DAB1: variants seen among roughly 807,000 people sequenced by gnomAD.
DAB1 encodes the protein DAB adaptor protein 1, also known as disabled homolog 1.
DAB1 carries 15 observed loss-of-function variants against 64.6 expected under a neutral mutation model. That is an observed-to-expected ratio of 0.23 (90% CI 0.16 to 0.36). The LOEUF (loss-of-function observed/expected upper bound fraction) is 0.36. DAB1 is among the 10% of genes least tolerant of loss of function. The pLI is 1.00. For synonymous variants in DAB1, 235 were observed against 251.9 expected (o/e 0.93, Z 0.64); for missense variants, 596 against 706.7 (o/e 0.84, Z 1.78).
At chr1:57,049,592 G>A (rs942806117) in intron 9 of DAB1, among the ~76,000 whole-genome samples, 5 of 151,392 alleles carry the variant, frequency 3.3e-5, no homozygotes, top group Non-Finnish European at 7.4e-5. Context: ...TCACCTCAGA[G>A]CTAGCTCCAG....
chr1:58,156,290 A>G lies in DAB1; in HGVS notation n.310-5702T>C, dbSNP rs1017351029. On this transcript the variant is annotated intron_variant and non_coding_transcript_variant, in intron 4 of 20. Coordinates refer to the DAB1 transcript ENST00000485760. ...GCAGTGCCTTAAGTGGAGAAGTGAA[A>G]CCAGATGCCTCAGAGGTAGCAAAAA... Among the ~76,000 whole-genome samples, 5 of 152,176 alleles carry G rather than the reference A, an allele frequency of 3.3e-5. No individual in the cohort carries two copies. In the East Asian group the frequency reaches 7.7e-4, roughly 23 times the overall value.
Position 57,386,386 on chromosome 1 carries a change from A to AAAAAAAAG in DAB1, c.-137+37543_-137+37544insCTTTTTTT, listed in dbSNP as rs548332875. 9.1e-4 allele frequency among the ~76,000 whole-genome samples: 132 copies of AAAAAAAAG among 144,272 alleles called. 2 individuals are homozygous for AAAAAAAAG. The highest frequency in any genetic ancestry group is 2.4e-3 in the African/African-American group (89 of 37,866). 94.6% of individuals were successfully genotyped at this position (144,272 alleles called of 152,430 possible). The stretch of plus-strand genomic sequence containing the variant: ...CTTGGGAAAAAAAAAAAAAAAAAAA[A>AAAAAAAAG]ACCCGTCTTTTTCATCTCCATAAAC... On this transcript the variant is annotated intron_variant, in intron 1 of 14. Transcript: ENST00000371236.
chr1:58,368,949 A>T (rs1644240041), intron 3 of DAB1, among the ~76,000 whole-genome samples: 6 of 152,154 alleles, frequency 3.9e-5, no homozygotes, highest in Admixed American at 3.9e-4. Context: ...TAAGCCCAGG[A>T]GGTCAAGGCT....
chr1:58,226,289 ATCCT>A (rs1253408942), intron 4 of DAB1, among the ~76,000 whole-genome samples: 2 of 152,132 alleles, frequency 1.3e-5, no homozygotes, highest in Non-Finnish European at 2.9e-5. Context: ...GATATGTAAT[ATCCT>A]TTGTAGCACA....
intron 6 of DAB1, among the ~76,000 whole-genome samples, chr1:57,767,803 C>G (rs1369119347): frequency 6.6e-6 from 1 of 152,058 alleles, no homozygotes; most frequent in Non-Finnish European, 1.5e-5. Flanking sequence ...AATCAATACC[C>G]TATGCTTTAG....
intron 1 of DAB1, chr1:57,866,893 A>G (rs1359203606): frequency 6.6e-6 from 1 of 152,120 alleles, no homozygotes; most frequent in African/African-American, 2.4e-5. Context: ...GGTAGCTGAG[A>G]GCAGGTGAAA....
At chr1:57,462,792 T>C (rs935364067) in intron 7 of DAB1, among the ~76,000 whole-genome samples, 3 of 152,144 alleles carry the variant, frequency 2.0e-5, no homozygotes, top group African/African-American at 4.8e-5. Flanking sequence ...ATCTAGCATG[T>C]AAATAAGAAG....
chr1:58,254,386 T>TC (rs59346791), intron 4 of DAB1, among the ~76,000 whole-genome samples: 1 of 106,952 alleles, frequency 9.3e-6, no homozygotes, highest in African/African-American at 4.5e-5. Flanking sequence ...TTTATTTATT[T>TC]TTTTTTCTAT....
intron 7 of DAB1, among the ~76,000 whole-genome samples, chr1:57,525,794 T>C (rs2101397870): frequency 6.6e-6 from 1 of 151,924 alleles, no homozygotes; most frequent in East Asian, 1.9e-4. Flanking sequence ...GTTAAGAGAG[T>C]AAAAATTTGT....
intron 14 of DAB1, among the ~76,000 whole-genome samples, chr1:57,007,373 A>G (rs914774401): frequency 2.0e-5 from 3 of 152,190 alleles, no homozygotes; most frequent in Admixed American, 6.5e-5. Context: ...TTCGTCCTCA[A>G]AATTGCTCCA....
At chr1:57,080,067 C>G (rs12028404) in intron 4 of DAB1, among the ~76,000 whole-genome samples, 1 of 152,030 alleles carries the variant, frequency 6.6e-6, no homozygotes, top group Non-Finnish European at 1.5e-5. Flanking sequence ...GTAAAATATA[C>G]ATAACATACA....
At chr1:58,000,760 G>A (rs559078449) in intron 5 of DAB1, among the ~76,000 whole-genome samples, 4 of 151,616 alleles carry the variant, frequency 2.6e-5, no homozygotes, top group East Asian at 2.0e-4. Context: ...TAGTAGGGTC[G>A]GGGTTTCACC....
chr1:58,402,257 C>A (rs111349780), intron 3 of DAB1, among the ~76,000 whole-genome samples: 5 of 152,212 alleles, frequency 3.3e-5, no homozygotes, highest in African/African-American at 9.6e-5. Flanking sequence ...ACTGTGGGAC[C>A]CAGGCCAAGG....
chr1:58,151,635 T>C (rs981406007), intron 4 of DAB1, among the ~76,000 whole-genome samples: 6 of 152,218 alleles, frequency 3.9e-5, no homozygotes, highest in Non-Finnish European at 7.3e-5. Context: ...TGTGTCTGCA[T>C]ACCCTGGCCA....
chr1:57,238,828 C>T (rs1042383181), intron 2 of DAB1, among the ~76,000 whole-genome samples: 10 of 147,406 alleles, frequency 6.8e-5, no homozygotes, highest in South Asian at 2.2e-4. Flanking sequence ...CACTGGCAGG[C>T]GTGTGCACAT....
At chr1:57,794,805 G>T (rs1650764476) in intron 6 of DAB1, among the ~76,000 whole-genome samples, 2 of 152,186 alleles carry the variant, frequency 1.3e-5, no homozygotes, top group Non-Finnish European at 2.9e-5. Flanking sequence ...TTTAATGAAT[G>T]AAATTAGTTT....
intron 1 of DAB1, among the ~76,000 whole-genome samples, chr1:57,409,243 T>C (rs1422951630): frequency 6.6e-6 from 1 of 152,226 alleles, no homozygotes. Context: ...GGCTTCCTCC[T>C]ACTGCTAATC....
chr1:58,509,600 G>GAA lies in DAB1; in HGVS notation n.108-3393_108-3392dup, dbSNP rs36019471. 8.3e-5 allele frequency among the ~76,000 whole-genome samples: 8 copies of GAA among 96,640 alleles called. No individual in the cohort carries two copies. The East Asian group carries it at 9.9e-4, about 12-fold the overall frequency. The allele number at this position is 96,640 out of a possible 152,430, so 63.4% of individuals were successfully genotyped here. ...TATACCTGTAAGATCTACCAAAAAAGAAAAAAAAAAAAGGACTAAGCCCAA... is the reference window on the plus strand; with the variant it reads ...TATACCTGTAAGATCTACCAAAAAAGAAAAAAAAAAAAAAGGACTAAGCCCAA... On this transcript the variant is annotated intron_variant and non_coding_transcript_variant, in intron 2 of 20. Transcript: ENST00000485760.
At chr1:58,230,895 T>C (rs577400393) in intron 4 of DAB1, among the ~76,000 whole-genome samples, 4 of 152,322 alleles carry the variant, frequency 2.6e-5, no homozygotes, top group African/African-American at 7.2e-5. Flanking sequence ...TATGGCATGA[T>C]GGTTAAGGCC....
Sources: allele counts gnomAD v4.1 joint callset (sites outside exome capture counted in the v4.1 genomes callset), GRCh38; gene constraint gnomAD v4.1.1; transcripts MANE v1.5; gene names NCBI Gene and HGNC (gene_info 2026-07-23, HGNC 2026-07-21).